Variants in CTNNA3 observed in about 807,000 individuals in gnomAD.
The protein encoded by CTNNA3 is catenin alpha-3.
In CTNNA3, 76 loss-of-function variants were observed where a neutral mutation model predicts 95.7. That is an observed-to-expected ratio of 0.79 (90% CI 0.66 to 0.96). CTNNA3 has a LOEUF of 0.96. CTNNA3 is among the 40% of genes least tolerant of loss of function. The probability of loss-of-function intolerance (pLI) is 0.00; values close to 1 mark genes in which losing one functional copy is unlikely to be tolerated. For synonymous variants in CTNNA3, 431 were observed against 374.4 expected (o/e 1.15, Z -1.74); for missense variants, 1,191 against 1,089.8 (o/e 1.09, Z -1.31).
At chr10:67,371,336 C>T (rs1276851225) in intron 5 of CTNNA3, among the ~76,000 whole-genome samples, 6 of 150,748 alleles carry the variant, frequency 4.0e-5, no homozygotes, top group African/African-American at 7.3e-5. Context: ...CCCATTAACT[C>T]GTCATTTACA....
At chr10:66,270,234 G>T (rs994352139) in intron 13 of CTNNA3, among the ~76,000 whole-genome samples, 5 of 150,254 alleles carry the variant, frequency 3.3e-5, no homozygotes, top group Non-Finnish European at 7.4e-5. Context: ...TGGGGGGGGG[G>T]GCAGGGTCTC....
chr10:67,535,941 A>T (rs761586206), intron 4 of CTNNA3, among the ~76,000 whole-genome samples: 9 of 152,118 alleles, frequency 5.9e-5, no homozygotes, highest in Admixed American at 1.3e-4. Context: ...AGCCATTCAC[A>T]TTATAAGACA....
intron 12 of CTNNA3, among the ~76,000 whole-genome samples, chr10:66,290,541 T>C (rs1041668710): frequency 2.6e-5 from 4 of 152,160 alleles, no homozygotes; most frequent in South Asian, 2.1e-4. Flanking sequence ...TATTTATTTA[T>C]GTTATTGGTT....
chr10:67,401,059 C>G (rs1589254961), intron 5 of CTNNA3, among the ~76,000 whole-genome samples: 1 of 152,248 alleles, frequency 6.6e-6, no homozygotes, highest in East Asian at 1.9e-4. Context: ...ACAAAAAATA[C>G]TGATGACTAG....
chr10:66,017,533 AG>A (rs1441545335), intron 15 of CTNNA3, among the ~76,000 whole-genome samples: 1 of 152,120 alleles, frequency 6.6e-6, no homozygotes, highest in Non-Finnish European at 1.5e-5. Context: ...TGGAAGAAAA[AG>A]GTAAAAATAA....
At chr10:66,858,381 C>T (rs572399895) in intron 7 of CTNNA3, among the ~76,000 whole-genome samples, 1 of 151,834 alleles carries the variant, frequency 6.6e-6, no homozygotes, top group African/African-American at 2.4e-5. Context: ...TGTGTCTCTG[C>T]CAGGTTTTGG....
chr10:67,168,547 T>A (rs1389967232), intron 7 of CTNNA3, among the ~76,000 whole-genome samples: 1 of 152,170 alleles, frequency 6.6e-6, no homozygotes, highest in African/African-American at 2.4e-5. Flanking sequence ...ATTATCTCAA[T>A]AGCCACAGAA....
chr10:67,716,506 G>A (rs1004430612), intron 1 of CTNNA3, among the ~76,000 whole-genome samples: 2 of 152,112 alleles, frequency 1.3e-5, no homozygotes, highest in African/African-American at 4.8e-5. Flanking sequence ...AGTGTGTGAT[G>A]TTCCCCTCCC....
intron 7 of CTNNA3, among the ~76,000 whole-genome samples, chr10:66,931,737 T>C (rs1235560060): frequency 6.6e-6 from 1 of 152,204 alleles, no homozygotes; most frequent in Non-Finnish European, 1.5e-5. Flanking sequence ...TCATTTTGAC[T>C]TTTATAGTAA....
At chr10:67,467,318 T>C (rs1479682963) in intron 5 of CTNNA3, among the ~76,000 whole-genome samples, 1 of 152,186 alleles carries the variant, frequency 6.6e-6, no homozygotes, top group African/African-American at 2.4e-5. Context: ...GACAGAATCT[T>C]CCAGCTTTTT....
intron 10 of CTNNA3, among the ~76,000 whole-genome samples, chr10:66,541,283 T>C (rs897597572): frequency 1.3e-5 from 2 of 152,168 alleles, no homozygotes; most frequent in African/African-American, 4.8e-5. Flanking sequence ...TCCAGAGCTC[T>C]AAATACTTCC....
intron 5 of CTNNA3, among the ~76,000 whole-genome samples, chr10:67,356,729 T>G (rs879514530): frequency 6.6e-6 from 1 of 152,130 alleles, no homozygotes; most frequent in Admixed American, 6.6e-5. Flanking sequence ...TCTGTTCTAG[T>G]TACATTGCCT....
In CTNNA3 at chr10:67,433,125, G is replaced by A. The variant is rs549528988; in HGVS notation, c.579+88717C>T. ...AACTATTTTTAGCTTTTTACTTAAA[G>A]TGAGAGACATGCAACTCTTCCTTTC... On this transcript the variant is annotated intron_variant, in intron 5 of 17. Transcript: ENST00000433211. Among the ~76,000 whole-genome samples the A allele has an allele frequency of 4.6e-5, 7 of 152,120 alleles. No homozygotes were observed. The East Asian group carries it at 1.2e-3, about 25-fold the overall frequency.
rs147010411 is a variant in CTNNA3, at chr10:66,222,622, A to AAAAGAAAG, written c.1884+57840_1884+57847dup. Among the ~76,000 whole-genome samples the AAAAGAAAG allele has an allele frequency of 5.7e-3, 374 of 65,276 alleles. 3 individuals are homozygous for AAAAGAAAG. The highest frequency in any genetic ancestry group is 0.015 in the African/African-American group (359 of 24,172). The allele number at this position is 65,276 out of a possible 152,430, so 42.8% of individuals were successfully genotyped here. ...AACGAAAGAAAGAAAGAAAGAAAGAAAAAGAAAGAAAGAAAGAAAGAAAAG... is the reference window on the plus strand; with the variant it reads ...AACGAAAGAAAGAAAGAAAGAAAGAAAAAGAAAGAAAGAAAGAAAGAAAGAAAGAAAAG... On this transcript the variant is annotated intron_variant, in intron 13 of 17. Transcript: ENST00000433211.
At chr10:67,717,594 T>C (rs936525777) in intron 1 of CTNNA3, among the ~76,000 whole-genome samples, 7 of 152,270 alleles carry the variant, frequency 4.6e-5, no homozygotes, top group South Asian at 2.1e-4. Flanking sequence ...CCATTGCTTG[T>C]TTTTGTCGGG....
chr10:67,271,487 A>G (rs1263533491), intron 5 of CTNNA3, among the ~76,000 whole-genome samples: 2 of 152,128 alleles, frequency 1.3e-5, no homozygotes, highest in East Asian at 1.9e-4. Context: ...TGGAACTGTG[A>G]GTCAATTAAA....
chr10:66,020,668 A>ATTTT (rs10687414), intron 15 of CTNNA3, among the ~76,000 whole-genome samples: 1,422 of 136,672 alleles, frequency 0.01, 30 homozygotes, highest in Non-Finnish European at 0.015. Flanking sequence ...GATGATCTGA[A>ATTTT]TTTTTTTTTT....
chr10:67,321,210 C>A (rs529216785), intron 5 of CTNNA3, among the ~76,000 whole-genome samples: 2 of 152,254 alleles, frequency 1.3e-5, no homozygotes, highest in South Asian at 4.1e-4. Flanking sequence ...AATCACCAAT[C>A]CCCATGTTTA....
At chr10:65,979,204 ATT>A (rs2078270017) in intron 16 of CTNNA3, among the ~76,000 whole-genome samples, 1 of 152,180 alleles carries the variant, frequency 6.6e-6, no homozygotes, top group Non-Finnish European at 1.5e-5. Context: ...ACATACAGCT[ATT>A]GAGAAAGTGA....
Sources: allele counts gnomAD v4.1 joint callset (sites outside exome capture counted in the v4.1 genomes callset), GRCh38; gene constraint gnomAD v4.1.1; transcripts MANE v1.5; gene names NCBI Gene and HGNC (gene_info 2026-07-23, HGNC 2026-07-21).